The following PLPP4 variants were observed in gnomAD, a reference collection of about 807,000 sequenced individuals.
PLPP4 encodes diacylglycerol pyrophosphate like 2.
In PLPP4, 20 loss-of-function variants were observed where a neutral mutation model predicts 32.2. The ratio of observed to expected loss-of-function variants is 0.62; its 90% confidence interval spans 0.44 to 0.90. The LOEUF is 0.90. PLPP4 is among the 40% of genes least tolerant of loss of function. The pLI is 0.00. For missense variants in PLPP4, 257 were observed against 353.1 expected, an observed-to-expected ratio of 0.73 and a Z score of 2.18; for synonymous variants, 127 against 133.0, an observed-to-expected ratio of 0.95 and a Z score of 0.31.
intron 5 of PLPP4, among the ~76,000 whole-genome samples, chr10:120,549,102 A>ATTG (rs1157894764): frequency 6.6e-6 from 1 of 151,228 alleles, no homozygotes; most frequent in Non-Finnish European, 1.5e-5. Flanking sequence ...TATTATTATT[A>ATTG]TTGTTATTTA....
At chr10:120,521,126 C>A (rs750195551) in intron 5 of PLPP4, 31 bp downstream of exon 5, 1 of 1,611,786 alleles carries the variant, frequency 6.2e-7, no homozygotes, top group Non-Finnish European at 8.5e-7. Context: ...CTCTTAATGC[C>A]CCCAGTCATG....
chr10:120,549,083 C>CATTATT (rs141726828), intron 5 of PLPP4, among the ~76,000 whole-genome samples: 25 of 150,184 alleles, frequency 1.7e-4, no homozygotes, highest in Admixed American at 6.0e-4. Context: ...CTGAACTTGC[C>CATTATT]ATTATTATTA....
intron 1 of PLPP4, among the ~76,000 whole-genome samples, chr10:120,481,263 C>T (rs916331995): frequency 6.6e-6 from 1 of 152,152 alleles, no homozygotes; most frequent in South Asian, 2.1e-4. Context: ...GATACCTAAC[C>T]AGAATACAAA....
chr10:120,574,168 ACTCTCTCTCTCTCTCT>A (rs58917160), intron 5 of PLPP4, among the ~76,000 whole-genome samples: 848 of 46,926 alleles, frequency 0.018, 29 homozygotes, highest in African/African-American at 0.052. Flanking sequence ...ACACACACAC[ACTCTCTCTCTCTCTCT>A]CTCTCTCTCT....
At chr10:120,470,318 G>A (rs948632380) in intron 1 of PLPP4, among the ~76,000 whole-genome samples, 11 of 152,168 alleles carry the variant, frequency 7.2e-5, no homozygotes, top group African/African-American at 2.2e-4. Flanking sequence ...ATGTATAGGT[G>A]TGCTTTATGC....
intron 5 of PLPP4, among the ~76,000 whole-genome samples, chr10:120,524,780 C>T (rs1482031551): frequency 6.6e-6 from 1 of 152,164 alleles, no homozygotes; most frequent in Admixed American, 6.5e-5. Context: ...TTCATCCAAC[C>T]TAAAAGAAGC....
chr10:120,493,613 C>T (rs1413940784), intron 1 of PLPP4, among the ~76,000 whole-genome samples: 1 of 152,156 alleles, frequency 6.6e-6, no homozygotes, highest in African/African-American at 2.4e-5. Context: ...GATGACATCT[C>T]CAGGCTTGGG....
At chr10:120,571,873 G>T in intron 5 of PLPP4, among the ~76,000 whole-genome samples, 1 of 152,160 alleles carries the variant, frequency 6.6e-6, no homozygotes, top group South Asian at 2.1e-4. Context: ...TTTGTCAAAG[G>T]ATATTATGTT....
intron 1 of PLPP4, among the ~76,000 whole-genome samples, chr10:120,497,479 G>T (rs760683133): frequency 6.6e-6 from 1 of 152,082 alleles, no homozygotes; most frequent in East Asian, 1.9e-4. Flanking sequence ...TGCATTTTGT[G>T]TGTATGTATA....
intron 5 of PLPP4, among the ~76,000 whole-genome samples, chr10:120,526,840 T>A (rs573009013): frequency 6.6e-6 from 1 of 152,330 alleles, no homozygotes; most frequent in South Asian, 2.1e-4. Flanking sequence ...CAGTACCTGG[T>A]GCCTTTAGTT....
intron 1 of PLPP4, among the ~76,000 whole-genome samples, chr10:120,471,446 A>G (rs1848513455): frequency 6.6e-6 from 1 of 151,740 alleles, no homozygotes; most frequent in African/African-American, 2.4e-5. Flanking sequence ...GTATTCTTAA[A>G]TTGTATCTCC....
chr10:120,494,824 C>G (rs564293352), intron 1 of PLPP4, among the ~76,000 whole-genome samples: 2 of 152,338 alleles, frequency 1.3e-5, no homozygotes, highest in East Asian at 3.9e-4. Flanking sequence ...CAACAAACAT[C>G]AAACTTTGCT....
intron 1 of PLPP4, among the ~76,000 whole-genome samples, chr10:120,497,040 T>G (rs1036600297): frequency 1.3e-5 from 2 of 152,074 alleles, no homozygotes; most frequent in Non-Finnish European, 2.9e-5. Context: ...GGTAGGACCA[T>G]ATTTTAATTT....
chr10:120,485,251 T>G (rs570184622), intron 1 of PLPP4, among the ~76,000 whole-genome samples: 2 of 152,372 alleles, frequency 1.3e-5, no homozygotes, highest in African/African-American at 4.8e-5. Flanking sequence ...TAGAGCTCCC[T>G]GAAGGCAGGG....
intron 6 of PLPP4, among the ~76,000 whole-genome samples, chr10:120,580,586 C>A: frequency 6.6e-6 from 1 of 151,372 alleles, no homozygotes; most frequent in Non-Finnish European, 1.5e-5. Flanking sequence ...TGAGTAACAC[C>A]TTCCCCTTCC....
Position 120,591,520 on chromosome 10 carries a change from G to T in PLPP4, c.*2018G>T, listed in dbSNP as rs1247161773. Among the ~76,000 whole-genome samples the T allele has an allele frequency of 2.6e-5, 4 of 151,628 alleles. No homozygotes were observed. The highest frequency in any genetic ancestry group is 9.7e-5 in the African/African-American group (4 of 41,252). On this transcript the variant is annotated 3_prime_UTR_variant, in exon 7 of 7. Transcript: ENST00000398250. ...CTGAGCTAAAATTCATTTAAAATTA[G>T]AAAATTAAACAATACTCTAATTTAA...
chr10:120,496,025 G>A (rs1010446312), intron 1 of PLPP4, among the ~76,000 whole-genome samples: 1 of 152,184 alleles, frequency 6.6e-6, no homozygotes, highest in Non-Finnish European at 1.5e-5. Context: ...CACCAAAGCA[G>A]GGATTTGGAC....
chr10:120,566,961 C>T (rs1045479064), intron 5 of PLPP4, among the ~76,000 whole-genome samples: 1 of 152,156 alleles, frequency 6.6e-6, no homozygotes, highest in African/African-American at 2.4e-5. Flanking sequence ...TTTCTTCGTC[C>T]TCAAACTGGA....
At chr10:120,588,798 C>T (rs1241432893) in intron 6 of PLPP4, among the ~76,000 whole-genome samples, 2 of 152,194 alleles carry the variant, frequency 1.3e-5, no homozygotes, top group South Asian at 2.1e-4. Context: ...GTAATCCCAG[C>T]GCTTTGGGAG....
Sources: gnomAD v4.1 joint callset for allele counts (sites outside exome capture counted in the v4.1 genomes callset) on GRCh38, gnomAD v4.1.1 for gene constraint, MANE v1.5 for transcripts, NCBI Gene and HGNC (gene_info 2026-07-23, HGNC 2026-07-21) for gene names.